The following MYCBP2 variants were observed in gnomAD, a reference collection of about 807,000 sequenced individuals.
MYCBP2 encodes the protein MYC binding protein 2.
Under a neutral mutation model 525.3 loss-of-function variants are expected in MYCBP2, and 120 were observed. That is an observed-to-expected ratio of 0.23 (90% confidence interval 0.20 to 0.27). The LOEUF (loss-of-function observed/expected upper bound fraction) is 0.27, where lower values mean the gene tolerates loss of function less well. MYCBP2 is among the 10% of genes least tolerant of loss of function. The pLI is 1.00. For synonymous variants in MYCBP2, 1,894 were observed against 1,955.8 expected (o/e 0.97, Z 0.83); for missense variants, 4,149 against 5,657.1 (o/e 0.73, Z 8.55).
In MYCBP2 at chr13:77,075,173, A is replaced by C. The variant is rs191882022; in HGVS notation, c.11823+1578T>G. 5.3e-5 allele frequency among the ~76,000 whole-genome samples: 8 copies of C among 152,222 alleles called. No homozygotes were observed. The East Asian group carries it at 1.5e-3, about 29-fold the overall frequency. On this transcript the variant is annotated intron_variant, in intron 68 of 82. Coordinates refer to ENST00000544440, the MANE Select transcript of MYCBP2 (RefSeq NM_015057.5). ...CAGTGAGCCGTGATCATACCACTGC[A>C]CTCTATCCTGGATGACAGAGAGAGA...
At chr13:77,188,891 A>G (rs2061018635) in intron 30 of MYCBP2, 60 bp downstream of exon 30, 2 of 1,165,944 alleles carry the variant, frequency 1.7e-6, no homozygotes, top group Non-Finnish European at 2.4e-6. Flanking sequence ...TAAACTCTAA[A>G]CATCAAAATG....
rs1409841769 is a variant in MYCBP2 at position 77,273,574 on chromosome 13, G to A, written c.843C>T (p.Cys281=). Residue 281 remains cysteine (C), a synonymous_variant, in exon 5 of 83, where the codon TGC becomes TGT. Transcript: ENST00000544440. ...CCCAAGAAGCCACCAGACTAAAGAG[G>A]CAAGCACAGGAAAGTGCTGTTAAGG... ...GQSLTALSCA[C]LFSLVASWGE... 1 of 1,613,742 alleles carries A rather than the reference G, an allele frequency of 6.2e-7. No homozygotes were observed. The highest frequency in any genetic ancestry group is 8.5e-7 in the Non-Finnish European group (1 of 1,179,884).
intron 52 of MYCBP2, among the ~76,000 whole-genome samples, chr13:77,136,117 C>A (rs1412759906): frequency 6.6e-6 from 1 of 152,192 alleles, no homozygotes; most frequent in East Asian, 1.9e-4. Context: ...CCGTGCCCAG[C>A]CTGTTTTTAT....
At chr13:77,215,910 G>A (rs2064755554) in intron 21 of MYCBP2, among the ~76,000 whole-genome samples, 1 of 152,082 alleles carries the variant, frequency 6.6e-6, no homozygotes, top group Non-Finnish European at 1.5e-5. Flanking sequence ...ACATATATGT[G>A]GACATATAAA....
At chr13:77,247,767 A>G (rs2070315197) in intron 15 of MYCBP2, among the ~76,000 whole-genome samples, 1 of 152,232 alleles carries the variant, frequency 6.6e-6, no homozygotes, top group Non-Finnish European at 1.5e-5. Flanking sequence ...CTTCACATAT[A>G]TGGTCAGATG....
At chr13:77,285,709 CCAGGAGGCA>C (rs1368299210) in intron 3 of MYCBP2, among the ~76,000 whole-genome samples, 2 of 152,060 alleles carry the variant, frequency 1.3e-5, no homozygotes, top group Non-Finnish European at 2.9e-5. Context: ...TTGCTTGAAC[CCAGGAGGCA>C]CAGGTTTCAG....
rs558360189 is a variant in MYCBP2, at chr13:77,164,511, T to G, written c.6490A>C (p.Asn2164His). The change falls in exon 43 of 83, where the codon AAT (asparagine) becomes CAT (histidine). Residue 2164 changes from asparagine to histidine, a missense_variant. Physicochemically the swap from Asn to His is moderately conservative, Grantham distance 68. This residue lies in a region of MYCBP2 where 692 missense variants were observed against 852.7 expected (regional missense o/e 0.81). Transcript: ENST00000544440. ...GCTGCTGCACAAACCCCACCAAGAT[T>G]GGCTAATTCTTTTTCCAATTGGATG... ...GVIQLEKELA[N>H]LGGVCAAALM... 1.2e-6 allele frequency: 2 copies of G among 1,613,370 alleles called. No individual in the cohort carries two copies. Among genetic ancestry groups the G allele is most frequent in the East Asian group, 2.2e-5 (1 of 44,866 alleles).
intron 17 of MYCBP2, among the ~76,000 whole-genome samples, chr13:77,236,220 G>A (rs2067905768): frequency 6.6e-6 from 1 of 152,198 alleles, no homozygotes; most frequent in Non-Finnish European, 1.5e-5. Context: ...TAAGAAGGCT[G>A]TATAAATAGA....
At chr13:77,285,188 A>T (rs1051283574) in intron 3 of MYCBP2, among the ~76,000 whole-genome samples, 1 of 152,220 alleles carries the variant, frequency 6.6e-6, no homozygotes, top group Non-Finnish European at 1.5e-5. Context: ...ATTTAATTTG[A>T]ACTACAGTTT....
Position 77,150,952 on chromosome 13 carries a change from A to G in MYCBP2, c.6916-3T>C. ...ACAGGGACAGCTTTCACTTCCACCT[A>G]AACATGGTATTATAGAAACCAAATA... On this transcript the variant is annotated splice_polypyrimidine_tract_variant and splice_region_variant and intron_variant, in intron 46 of 82. Transcript: ENST00000544440. 6.2e-7 allele frequency: 1 copy of G among 1,612,106 alleles called. No individual in the cohort carries two copies. Among genetic ancestry groups the G allele is most frequent in the Non-Finnish European group, 8.5e-7 (1 of 1,178,306 alleles).
intron 52 of MYCBP2, among the ~76,000 whole-genome samples, chr13:77,134,420 G>A (rs2053412361): frequency 6.6e-6 from 1 of 152,114 alleles, no homozygotes; most frequent in Non-Finnish European, 1.5e-5. Flanking sequence ...TGTAATACCA[G>A]CTACTTGGGA....
At chr13:77,248,704 C>T (rs2070537285) in intron 15 of MYCBP2, among the ~76,000 whole-genome samples, 1 of 152,138 alleles carries the variant, frequency 6.6e-6, no homozygotes, top group Non-Finnish European at 1.5e-5. Flanking sequence ...AATAGTATGG[C>T]AGTTCCTCAA....
In MYCBP2 at chr13:77,166,368, C is replaced by T; in HGVS notation, c.6301G>A (p.Gly2101Arg). ...ACCATAGTAGGCCACCCAGAGGATC[C>T]TGAAAATTTCTTTAATTCTATCCAT... Reference protein sequence around the residue: ...NSWIELKKFSGSSGWPTMVLV... With the variant: ...NSWIELKKFSRSSGWPTMVLV... The change falls in exon 41 of 83, where the codon GGA (glycine) becomes AGA (arginine). Residue 2101 changes from glycine (G) to arginine (R), a missense_variant. Around this residue, in one of 21 missense-constraint regions of MYCBP2, gnomAD observed 692 missense variants for 852.7 expected, o/e 0.81. Transcript: ENST00000544440. 1 of 1,613,716 alleles carries T rather than the reference C, an allele frequency of 6.2e-7. No individual in the cohort carries two copies. The highest frequency in any genetic ancestry group is 8.5e-7 in the Non-Finnish European group (1 of 1,179,810).
At chr13:77,300,395 G>A (rs570183598) in intron 1 of MYCBP2, among the ~76,000 whole-genome samples, 1 of 152,308 alleles carries the variant, frequency 6.6e-6, no homozygotes, top group Non-Finnish European at 1.5e-5. Flanking sequence ...AGAGAGGAGT[G>A]TGCATATATT....
intron 24 of MYCBP2, 47 bp downstream of exon 24, chr13:77,206,606 C>CA (rs1248916152): frequency 6.8e-7 from 1 of 1,471,322 alleles, no homozygotes; most frequent in Non-Finnish European, 9.1e-7. Context: ...AAACCCTGGA[C>CA]AGCACACATT....
In MYCBP2 at chr13:77,098,582, C is replaced by G. The variant is rs759727612; in HGVS notation, c.8572G>C (p.Val2858Leu). 15 of 1,613,546 alleles carry G rather than the reference C, an allele frequency of 9.3e-6. No individual in the cohort carries two copies. The Admixed American group carries it at 2.3e-4, about 25-fold the overall frequency. ...KNLPQKSTAP[V>L]KTKLDPPRER... The stretch of plus-strand genomic sequence containing the variant: ...CGAGGAGGATCAAGCTTTGTCTTAA[C>G]AGGAGCAGTACTTTTTTGAGGTAGA... Residue 2858 changes from valine to leucine, a missense_variant, in exon 56 of 83, where the codon GTT becomes CTT. Physicochemically the swap from Val to Leu is conservative, Grantham distance 32. Transcript: ENST00000544440.
chr13:77,045,358 A>C lies in MYCBP2; in HGVS notation c.*20T>G, dbSNP rs150972540. ...GGATGAAGGCAATTTTTCTCTCTGT[A>C]GACAAAGGATCTGCGTGTTCTAAAA... On this transcript the variant is annotated 3_prime_UTR_variant, in exon 83 of 83. Coordinates refer to ENST00000544440, the MANE Select transcript of MYCBP2 (RefSeq NM_015057.5). 6.3e-7 allele frequency: 1 copy of C among 1,582,696 alleles called. No individual in the cohort carries two copies. The highest frequency in any genetic ancestry group is 8.7e-7 in the Non-Finnish European group (1 of 1,153,314).
intron 40 of MYCBP2, 126 bp from the exon 41 acceptor site, chr13:77,166,680 T>A (rs1276896564): frequency 3.2e-5 from 16 of 499,392 alleles, no homozygotes; most frequent in Non-Finnish European, 3.4e-6. Context: ...AGTACAAAAT[T>A]AAAATAGAAT....
intron 40 of MYCBP2, among the ~76,000 whole-genome samples, chr13:77,166,857 T>A (rs2058577291): frequency 1.3e-5 from 2 of 152,014 alleles, no homozygotes; most frequent in African/African-American, 2.4e-5. Context: ...AATAAATGAC[T>A]CTCTAAGTGT....
Sources: gnomAD v4.1 joint callset for allele counts (sites outside exome capture counted in the v4.1 genomes callset) on GRCh38, gnomAD v4.1.1 for gene constraint, gnomAD v4.1.1 regional missense constraint, MANE v1.5 for transcripts, NCBI Gene and HGNC (gene_info 2026-07-23, HGNC 2026-07-21) for gene names.